ANKS1A: variants seen among roughly 807,000 people sequenced by gnomAD.
The protein encoded by ANKS1A is ankyrin repeat and SAM domain-containing protein 1A.
A neutral mutation model predicts 120.3 loss-of-function variants in ANKS1A; 55 were observed. That is an observed-to-expected ratio of 0.46 (90% CI 0.37 to 0.57). ANKS1A has a LOEUF of 0.57. ANKS1A is among the 20% of genes least tolerant of loss of function. The pLI is 0.00. For missense variants in ANKS1A, 1,123 were observed against 1,480.3 expected, an observed-to-expected ratio of 0.76 and a Z score of 3.96; for synonymous variants, 590 against 604.7, an observed-to-expected ratio of 0.98 and a Z score of 0.36.
intron 11 of ANKS1A, among the ~76,000 whole-genome samples, chr6:35,040,925 C>G (rs941569342): frequency 1.3e-5 from 2 of 152,216 alleles, no homozygotes; most frequent in Non-Finnish European, 2.9e-5. Context: ...CCCTCGTATC[C>G]CAGAACTCTG....
At chr6:34,998,071 T>C (rs1772949956) in intron 10 of ANKS1A, among the ~76,000 whole-genome samples, 1 of 152,194 alleles carries the variant, frequency 6.6e-6, no homozygotes, top group African/African-American at 2.4e-5. Context: ...CCTGAGACAC[T>C]GAATATGAAA....
chr6:34,966,803 C>CT (rs1174036989), intron 1 of ANKS1A, among the ~76,000 whole-genome samples: 5 of 152,282 alleles, frequency 3.3e-5, no homozygotes, highest in African/African-American at 9.6e-5. Flanking sequence ...TCTCCTGGTG[C>CT]TTTTTTGTCC....
intron 13 of ANKS1A, among the ~76,000 whole-genome samples, chr6:35,066,218 A>G (rs1045337263): frequency 6.6e-6 from 1 of 152,194 alleles, no homozygotes; most frequent in African/African-American, 2.4e-5. Context: ...GCATGTAAGG[A>G]CGCAAGGTGG....
At chr6:35,032,795 T>C (rs1190891727) in intron 11 of ANKS1A, among the ~76,000 whole-genome samples, 2 of 152,218 alleles carry the variant, frequency 1.3e-5, no homozygotes, top group Non-Finnish European at 2.9e-5. Context: ...AACTGAGAGA[T>C]TCTAAAGCAT....
At chr6:34,930,555 G>A (rs544207421) in intron 1 of ANKS1A, among the ~76,000 whole-genome samples, 62 of 152,288 alleles carry the variant, frequency 4.1e-4, no homozygotes, top group Admixed American at 1.0e-3. Flanking sequence ...ACCACATAGA[G>A]TTACATTAGG....
In ANKS1A at chr6:35,081,053, G is replaced by A. The variant is rs1487204149; in HGVS notation, c.2604G>A (p.Gly868=). 2 of 1,614,034 alleles carry A rather than the reference G, an allele frequency of 1.2e-6. No homozygotes were observed. Among genetic ancestry groups the A allele is most frequent in the Admixed American group, 1.7e-5 (1 of 60,020 alleles). ...SPLSQNDSCT[G]RSADLLLPPG... ...TGAGTCAGAATGATTCCTGCACTGG[G>A]CGGTCGGCAGATCTGCTGCTGCCTC... is the stretch of plus-strand genomic sequence containing the variant. The change falls in exon 17 of 24, where the codon GGG becomes GGA. Residue 868 remains glycine, a synonymous_variant. Transcript: ENST00000360359.
intron 3 of ANKS1A, among the ~76,000 whole-genome samples, chr6:34,976,786 G>A (rs1771621232): frequency 1.3e-5 from 2 of 149,720 alleles, no homozygotes; most frequent in Admixed American, 1.3e-4. Context: ...GCGTGTGTGT[G>A]TGTGTGTGTG....
At chr6:34,978,416 G>T (rs1771720198) in intron 3 of ANKS1A, among the ~76,000 whole-genome samples, 1 of 152,178 alleles carries the variant, frequency 6.6e-6, no homozygotes. Context: ...AGATTTGGAA[G>T]GTGTGACAGG....
intron 11 of ANKS1A, among the ~76,000 whole-genome samples, chr6:35,045,669 G>T (rs1775685074): frequency 6.6e-6 from 1 of 152,156 alleles, no homozygotes; most frequent in Non-Finnish European, 1.5e-5. Context: ...CCCACATATG[G>T]CTAGTGCTGT....
intron 10 of ANKS1A, among the ~76,000 whole-genome samples, chr6:35,008,961 TAG>T (rs567557122): frequency 2.0e-5 from 3 of 151,778 alleles, no homozygotes; most frequent in African/African-American, 7.3e-5. Flanking sequence ...TGGGAGGAGA[TAG>T]AGAGAACATG....
chr6:35,018,430 A>T (rs1397345238), intron 11 of ANKS1A, among the ~76,000 whole-genome samples: 1 of 152,132 alleles, frequency 6.6e-6, no homozygotes, highest in Non-Finnish European at 1.5e-5. Flanking sequence ...CCTTCAGGAG[A>T]AAAAGAGAAG....
intron 23 of ANKS1A, among the ~76,000 whole-genome samples, chr6:35,087,450 C>T (rs1411914147): frequency 6.6e-6 from 1 of 152,178 alleles, no homozygotes; most frequent in Non-Finnish European, 1.5e-5. Flanking sequence ...GGGCTGGGCT[C>T]TGTGTGGCTC....
chr6:34,922,321 T>C (rs189562097), intron 1 of ANKS1A, among the ~76,000 whole-genome samples: 103 of 152,300 alleles, frequency 6.8e-4, no homozygotes, highest in African/African-American at 2.4e-3. Context: ...TCTGAGGTCA[T>C]AGAGCTATTG....
chr6:34,935,283 C>T (rs1769192880), intron 1 of ANKS1A, among the ~76,000 whole-genome samples: 2 of 152,104 alleles, frequency 1.3e-5, no homozygotes, highest in Non-Finnish European at 2.9e-5. Flanking sequence ...GACGGGGTCT[C>T]GCCGTGTTTC....
chr6:34,963,440 A>G (rs1405726893), intron 1 of ANKS1A, among the ~76,000 whole-genome samples: 1 of 152,220 alleles, frequency 6.6e-6, no homozygotes. Context: ...ATGTTATTAC[A>G]AATGACAGGA....
Position 35,078,648 on chromosome 6 carries a change from C to G in ANKS1A, c.2275C>G (p.Leu759Val). 6.2e-7 allele frequency: 1 copy of G among 1,602,062 alleles called. No homozygotes were observed. Among genetic ancestry groups the G allele is most frequent in the Middle Eastern group, 1.7e-4 (1 of 6,058 alleles). ...RRKLLQAARS[L>V]PKVKALGYDG... ...GAAGCTGCTCCAGGCGGCACGCTCC[C>G]TACCCAAGGTGACCATCGCCGGCCC... The change falls in exon 14 of 24, where the codon CTA becomes GTA. Residue 759 changes from leucine to valine, a missense_variant. Coordinates refer to ENST00000360359, the MANE Select transcript of ANKS1A (RefSeq NM_015245.3).
intron 1 of ANKS1A, among the ~76,000 whole-genome samples, chr6:34,963,621 G>A (rs528002352): frequency 4.6e-5 from 7 of 152,254 alleles, no homozygotes; most frequent in Admixed American, 1.3e-4. Flanking sequence ...ATTTTATTCC[G>A]TTTGGATATA....
intron 14 of ANKS1A, 64 bp from the exon 15 acceptor site, chr6:35,079,443 TGGGTCCATG>T: frequency 6.3e-7 from 1 of 1,580,258 alleles, no homozygotes; most frequent in Non-Finnish European, 8.6e-7. Context: ...GTGAGCTGGC[TGGGTCCATG>T]GTCCTCGGGT....
chr6:35,086,324 C>T lies in ANKS1A; in HGVS notation c.3303+388C>T, dbSNP rs1470975094. 52 of 1,303,412 alleles carry T rather than the reference C, an allele frequency of 4.0e-5. No individual in the cohort carries two copies. The highest frequency in any genetic ancestry group is 1.1e-4 in the Admixed American group (5 of 43,946). The allele number at this position is 1,303,412 out of a possible 1,614,324, so 80.7% of individuals were successfully genotyped here. A position where few individuals can be genotyped will look rare whatever the true frequency, so the allele number is the denominator to read the frequency against. Reference sequence around the variant, plus strand: ...TTACTGTCACACCTGCACCACCCACCGTCCTTCCTACCTACCGCTGCCATC... The same window carrying T: ...TTACTGTCACACCTGCACCACCCACTGTCCTTCCTACCTACCGCTGCCATC... On this transcript the variant is annotated intron_variant, in intron 22 of 23. Transcript: ENST00000360359. The surrounding 1 kb of genome is among the most constrained non-coding windows in gnomAD (Gnocchi z 5.1).
Sources: allele counts gnomAD v4.1 joint callset (sites outside exome capture counted in the v4.1 genomes callset), GRCh38; gene constraint gnomAD v4.1.1; non-coding constraint Gnocchi (gnomAD v3.1); transcripts MANE v1.5; gene names NCBI Gene and HGNC (gene_info 2026-07-23, HGNC 2026-07-21).